The following ERAL1 variants were observed in gnomAD, a reference collection of about 807,000 sequenced individuals.
ERAL1 encodes the protein Era like 12S mitochondrial rRNA chaperone 1, also known as GTPase Era, mitochondrial.
ERAL1 carries 36 observed loss-of-function variants against 53.6 expected under a neutral mutation model. That is an observed-to-expected ratio of 0.67 (90% confidence interval 0.51 to 0.89). The LOEUF (loss-of-function observed/expected upper bound fraction) is 0.89, where lower values mean the gene tolerates loss of function less well. ERAL1 is among the 40% of genes least tolerant of loss of function. ERAL1 has a pLI of 0.00. For missense variants in ERAL1, 512 were observed against 537.5 expected (o/e 0.95, Z 0.47); for synonymous variants, 215 against 211.8 (o/e 1.02, Z -0.13).
At chr17:28,860,326 C>CA (rs1189481397) in intron 9 of ERAL1, 105 bp from the exon 10 acceptor site, 8 of 1,397,988 alleles carry the variant, frequency 5.7e-6, no homozygotes, top group South Asian at 3.8e-5. Flanking sequence ...AGGCTGGACT[C>CA]AAACTCCTGT....
chr17:28,859,094 T>C lies in ERAL1; in HGVS notation c.1091T>C (p.Val364Ala). The change falls in exon 8 of 10, where the codon GTG (valine) becomes GCG (alanine). Residue 364 changes from valine to alanine, a missense_variant. By Grantham distance (64) the Val-to-Ala change is moderately conservative. Coordinates refer to ENST00000254928, the MANE Select transcript of ERAL1 (RefSeq NM_005702.4). The part of the protein sequence containing the change: ...EKLLEHLPQE[V>A]PYNVQQKTAV... ...CTCCTAGAACACCTGCCCCAGGAGG[T>C]GCCTTACAATGTACAGCAGGTACAG... 8.1e-6 allele frequency: 13 copies of C among 1,614,018 alleles called. No homozygotes were observed. Among genetic ancestry groups the C allele is most frequent in the Non-Finnish European group, 1.0e-5 (12 of 1,179,996 alleles).
chr17:28,858,497 C>A lies in ERAL1; in HGVS notation c.711+11C>A, dbSNP rs775736648. 6.2e-7 allele frequency: 1 copy of A among 1,614,058 alleles called. No individual in the cohort carries two copies. Among genetic ancestry groups the A allele is most frequent in the South Asian group, 1.1e-5 (1 of 91,068 alleles). Reference sequence around the variant, plus strand: ...CTGGTCATGAACAAGGTGAGCACTACCCACCTGAGGAAGGGGTCTACTTCC... The same window carrying A: ...CTGGTCATGAACAAGGTGAGCACTAACCACCTGAGGAAGGGGTCTACTTCC... On this transcript the variant is annotated intron_variant, in intron 6 of 9. Coordinates refer to ENST00000254928, the MANE Select transcript of ERAL1 (RefSeq NM_005702.4).
In ERAL1 at chr17:28,858,850, G is replaced by A. The variant is rs1375675384; in HGVS notation, c.960+26G>A. On this transcript the variant is annotated intron_variant, in intron 7 of 9. Transcript: ENST00000254928. The stretch of plus-strand genomic sequence containing the variant: ...GTCAGTTAGTCTTGGCCATAGCCTG[G>A]CCCTTGGTTTCTACCATATGAAGAC... The A allele has an allele frequency of 1.9e-6, 3 of 1,613,858 alleles. No individual in the cohort carries two copies. In the Admixed American group the frequency reaches 5.0e-5, roughly 27 times the overall value.
At chr17:28,859,352 G>C (rs1266073702) in intron 9 of ERAL1, 69 bp downstream of exon 9, 42 of 1,457,994 alleles carry the variant, frequency 2.9e-5, no homozygotes, top group Admixed American at 7.0e-5. Flanking sequence ...CCAGCTTGGA[G>C]CCCTGAGAGC....
At chr17:28,858,517 A>G (rs774547396) in intron 6 of ERAL1, 31 bp downstream of exon 6, 183 of 1,613,772 alleles carry the variant, frequency 1.1e-4, no homozygotes, top group Non-Finnish European at 1.4e-4. Context: ...GAAGGGGTCT[A>G]CTTCCCTCCA....
rs769759608 is a variant in ERAL1 at position 28,857,924 on chromosome 17, C to T, written c.490-15C>T. On this transcript the variant is annotated splice_polypyrimidine_tract_variant and intron_variant, in intron 3 of 9. Transcript: ENST00000254928. ...TTTCTCCTGGGGTCTGGGTATCTCA[C>T]TTTCCTGATTTTAGATTCTACTTGA... 4 of 1,614,090 alleles carry T rather than the reference C, an allele frequency of 2.5e-6. No homozygotes were observed. In the East Asian group the frequency reaches 8.9e-5, roughly 36 times the overall value.
At chr17:28,856,453 G>A in intron 2 of ERAL1, 52 bp from the exon 3 acceptor site, 1 of 1,613,314 alleles carries the variant, frequency 6.2e-7, no homozygotes, top group Non-Finnish European at 8.5e-7. Flanking sequence ...TGCCTTCAAG[G>A]ATGGTCTTGG....
In ERAL1 at chr17:28,858,709, C is replaced by T. The variant is rs1744361405; in HGVS notation, c.845C>T (p.Ala282Val). Residue 282 changes from alanine (A) to valine (V), a missense_variant, in exon 7 of 10, where the codon GCA becomes GTA. Ala to Val is a moderately conservative substitution (Grantham distance 64). Coordinates refer to ENST00000254928, the MANE Select transcript of ERAL1 (RefSeq NM_005702.4). ...SHPGTHCPSP[A>V]VKDPNTQSVG... ...CCTGGCACCCATTGCCCCAGCCCAG[C>T]AGTTAAGGACCCAAACACACAATCT... is the stretch of plus-strand genomic sequence containing the variant. 1.9e-6 allele frequency: 3 copies of T among 1,614,188 alleles called. No individual in the cohort carries two copies. The highest frequency in any genetic ancestry group is 2.5e-6 in the Non-Finnish European group (3 of 1,180,036).
chr17:28,855,921 C>T (rs1369418286), intron 1 of ERAL1, among the ~76,000 whole-genome samples: 12 of 152,018 alleles, frequency 7.9e-5, no homozygotes. Flanking sequence ...ACATTCACTT[C>T]TCAGGCACAG....
chr17:28,858,660 A>G lies in ERAL1; in HGVS notation c.796A>G (p.Met266Val), dbSNP rs374024882. 2 of 1,614,156 alleles carry G rather than the reference A, an allele frequency of 1.2e-6. No individual in the cohort carries two copies. The highest frequency in any genetic ancestry group is 1.6e-4 in the Middle Eastern group (1 of 6,062). Residue 266 changes from methionine (M) to valine (V), a missense_variant, in exon 7 of 10, where the codon ATG becomes GTG. Physicochemically the swap from Met to Val is conservative, Grantham distance 21. Coordinates refer to ENST00000254928, the MANE Select transcript of ERAL1 (RefSeq NM_005702.4). Reference protein sequence around the residue: ...EGVVNGKKLKMRQAFHSHPGT... With the variant: ...EGVVNGKKLKVRQAFHSHPGT... ...TGTGGTCAATGGCAAAAAGCTCAAGATGAGGCAGGCCTTCCACTCACACCC... is the reference window on the plus strand; with the variant it reads ...TGTGGTCAATGGCAAAAAGCTCAAGGTGAGGCAGGCCTTCCACTCACACCC...
Position 28,856,371 on chromosome 17 carries a change from A to G in ERAL1, c.391A>G (p.Asn131Asp). ...APNAGKSTLS[N>D]QLLGRKVFPV... Reference sequence around the variant, plus strand: ...GAATGCAGGGAAGTCAACACTCTCCAACCAGCTACTGGGCCGAAAGGTATG... The same window carrying G: ...GAATGCAGGGAAGTCAACACTCTCCGACCAGCTACTGGGCCGAAAGGTATG... The change falls in exon 2 of 10, where the codon AAC becomes GAC. Residue 131 changes from asparagine (N) to aspartate (D), a missense_variant. Transcript: ENST00000254928. The G allele has an allele frequency of 6.2e-7, 1 of 1,614,094 alleles. No homozygotes were observed. The highest frequency in any genetic ancestry group is 8.5e-7 in the Non-Finnish European group (1 of 1,179,972).
chr17:28,857,123 T>C (rs1033169202), intron 3 of ERAL1, among the ~76,000 whole-genome samples: 1 of 151,498 alleles, frequency 6.6e-6, no homozygotes, highest in African/African-American at 2.4e-5. Context: ...TTTTTTTTTT[T>C]TGAGATGGAG....
At chr17:28,856,044 A>G (rs1205650859) in intron 1 of ERAL1, among the ~76,000 whole-genome samples, 1 of 152,228 alleles carries the variant, frequency 6.6e-6, no homozygotes, top group African/African-American at 2.4e-5. Flanking sequence ...GGTACTGTTA[A>G]TATCAACTCA....
At chr17:28,860,408 C>G in intron 9 of ERAL1, 23 bp from the exon 10 acceptor site, 1 of 1,609,994 alleles carries the variant, frequency 6.2e-7, no homozygotes. Context: ...TTCCTGGCTT[C>G]CTTCTCTTTC....
intron 3 of ERAL1, chr17:28,856,799 C>T (rs2039251034): frequency 2.1e-6 from 1 of 476,952 alleles, no homozygotes; most frequent in South Asian, 2.2e-5. Flanking sequence ...GCAAGCTCCA[C>T]CTCCCAGGTT....
chr17:28,855,794 G>A (rs1198701989), intron 1 of ERAL1, among the ~76,000 whole-genome samples: 23 of 141,068 alleles, frequency 1.6e-4, no homozygotes, highest in Non-Finnish European at 1.5e-4. Flanking sequence ...CCTCCTTCAG[G>A]AAAAAAAAAA....
At chr17:28,858,521 C>A in intron 6 of ERAL1, 35 bp downstream of exon 6, 1 of 1,614,018 alleles carries the variant, frequency 6.2e-7, no homozygotes, top group East Asian at 2.2e-5. Context: ...GGGTCTACTT[C>A]CCTCCAAGTC....
At chr17:28,856,816 A>G in intron 3 of ERAL1, 1 of 441,722 alleles carries the variant, frequency 2.3e-6, no homozygotes, top group Non-Finnish European at 4.2e-6. Context: ...GGTTGACGCC[A>G]TTCTCCTGCC....
chr17:28,855,988 T>C (rs1001695509), intron 1 of ERAL1, among the ~76,000 whole-genome samples: 2 of 152,166 alleles, frequency 1.3e-5, no homozygotes, highest in African/African-American at 4.8e-5. Flanking sequence ...TGCTGAGTTG[T>C]TTTACACAAT....
Sources: allele counts gnomAD v4.1 joint callset (sites outside exome capture counted in the v4.1 genomes callset), GRCh38; gene constraint gnomAD v4.1.1; transcripts MANE v1.5; gene names NCBI Gene and HGNC (gene_info 2026-07-23, HGNC 2026-07-21).